Variants in KHDRBS2 observed in about 807,000 individuals in gnomAD.
KHDRBS2 encodes the protein KH domain-containing, RNA-binding, signal transduction-associated protein 2.
A neutral mutation model predicts 44.3 loss-of-function variants in KHDRBS2; 26 were observed. That is an observed-to-expected ratio of 0.59 (90% confidence interval 0.43 to 0.81). KHDRBS2 has a LOEUF of 0.81. KHDRBS2 is among the 40% of genes least tolerant of loss of function. The pLI is 0.00. For missense variants in KHDRBS2, 476 were observed against 433.1 expected (o/e 1.10, Z -0.88); for synonymous variants, 194 against 151.1 (o/e 1.28, Z -2.08).
chr6:61,825,361 T>A (rs1790669390), intron 6 of KHDRBS2, among the ~76,000 whole-genome samples: 2 of 152,178 alleles, frequency 1.3e-5, no homozygotes, highest in South Asian at 2.1e-4. Flanking sequence ...AATGCTGAAT[T>A]TGCTCACATA....
At chr6:62,118,875 T>C (rs1184062649) in intron 2 of KHDRBS2, among the ~76,000 whole-genome samples, 1 of 152,170 alleles carries the variant, frequency 6.6e-6, no homozygotes, top group Non-Finnish European at 1.5e-5. Flanking sequence ...AACTGTCAGT[T>C]TCCCTACTTT....
intron 6 of KHDRBS2, among the ~76,000 whole-genome samples, chr6:61,880,465 A>G (rs1163574643): frequency 6.6e-6 from 1 of 151,920 alleles, no homozygotes; most frequent in African/African-American, 2.4e-5. Flanking sequence ...TATTTTATGT[A>G]AAAGAAAATC....
At chr6:61,686,313 C>T in intron 8 of KHDRBS2, among the ~76,000 whole-genome samples, 1 of 151,718 alleles carries the variant, frequency 6.6e-6, no homozygotes, top group East Asian at 1.9e-4. Flanking sequence ...CTTTGCAAAT[C>T]ATATAATGGC....
chr6:61,900,222 G>C (rs1418380700), intron 5 of KHDRBS2, among the ~76,000 whole-genome samples: 3 of 151,872 alleles, frequency 2.0e-5, no homozygotes, highest in Non-Finnish European at 2.9e-5. Context: ...TGACCGGTGA[G>C]AAACATTTTG....
At chr6:62,139,129 T>A (rs1347374488) in intron 2 of KHDRBS2, among the ~76,000 whole-genome samples, 1 of 152,092 alleles carries the variant, frequency 6.6e-6, no homozygotes, top group African/African-American at 2.4e-5. Flanking sequence ...ATTTTATTAC[T>A]TTTCAAGAAG....
In KHDRBS2 at chr6:61,942,548, A is replaced by C. The variant is rs546866541; in HGVS notation, c.483+35518T>G. Among the ~76,000 whole-genome samples the C allele has an allele frequency of 1.0e-3, 153 of 152,130 alleles. 1 individual carries two copies. Among genetic ancestry groups the C allele is most frequent in the Non-Finnish European group, 4.0e-4 (27 of 68,032 alleles). ...AATGAGGCAAAAATAAAGAATAAAA[A>C]AGAAAAAGCAAAGGCTTCATAACAT... On this transcript the variant is annotated intron_variant, in intron 4 of 8. Coordinates refer to ENST00000281156, the MANE Select transcript of KHDRBS2 (RefSeq NM_152688.4).
At chr6:61,875,400 G>T (rs1248910069) in intron 6 of KHDRBS2, among the ~76,000 whole-genome samples, 1 of 151,962 alleles carries the variant, frequency 6.6e-6, no homozygotes, top group East Asian at 1.9e-4. Flanking sequence ...AAACAAAAAG[G>T]CCCTGTAAGT....
At chr6:62,129,672 A>G (rs957674624) in intron 2 of KHDRBS2, among the ~76,000 whole-genome samples, 6 of 152,154 alleles carry the variant, frequency 3.9e-5, no homozygotes, top group African/African-American at 1.2e-4. Flanking sequence ...CCACTACTCA[A>G]GAGACTATTT....
the KHDRBS2 span, among the ~76,000 whole-genome samples, chr6:61,632,634 T>C: frequency 1.9e-4 from 29 of 152,296 alleles, 1 homozygote; most frequent in South Asian, 4.8e-3. Context: ...TTTGTTTATA[T>C]GTAATTCTGT....
intron 7 of KHDRBS2, among the ~76,000 whole-genome samples, chr6:61,719,912 G>T (rs78966946): frequency 4.6e-5 from 7 of 152,146 alleles, no homozygotes; most frequent in African/African-American, 1.7e-4. Context: ...ACATCTCCCA[G>T]TGCTATGCCT....
chr6:62,236,681 C>T (rs956524295), intron 1 of KHDRBS2, among the ~76,000 whole-genome samples: 5 of 151,696 alleles, frequency 3.3e-5, no homozygotes, highest in Non-Finnish European at 5.9e-5. Context: ...TACATTTTTT[C>T]GAATGCTTAT....
intron 7 of KHDRBS2, among the ~76,000 whole-genome samples, chr6:61,729,118 A>C (rs1040430534): frequency 1.3e-5 from 2 of 152,208 alleles, no homozygotes; most frequent in African/African-American, 4.8e-5. Flanking sequence ...AAAATGTGGT[A>C]GATATACACC....
chr6:61,812,940 A>T (rs1788358367), intron 6 of KHDRBS2, among the ~76,000 whole-genome samples: 2 of 152,088 alleles, frequency 1.3e-5, no homozygotes, highest in Admixed American at 1.3e-4. Context: ...TAAGATCATG[A>T]TAATTTAAGT....
At chr6:61,601,265 C>A in the KHDRBS2 span, among the ~76,000 whole-genome samples, 1 of 152,050 alleles carries the variant, frequency 6.6e-6, no homozygotes, top group African/African-American at 2.4e-5. Context: ...ACCCCCCACC[C>A]CTTCTCTCCA....
chr6:62,256,347 T>C (rs1269334968), intron 1 of KHDRBS2, among the ~76,000 whole-genome samples: 1 of 151,988 alleles, frequency 6.6e-6, no homozygotes, highest in Non-Finnish European at 1.5e-5. Flanking sequence ...GATCTTGAAT[T>C]GTAGCTCTCA....
chr6:61,929,572 CA>C (rs1471804352), intron 4 of KHDRBS2, among the ~76,000 whole-genome samples: 2 of 152,012 alleles, frequency 1.3e-5, no homozygotes, highest in African/African-American at 4.8e-5. Context: ...GAGGAAAATC[CA>C]GAGATATTAA....
At chr6:61,569,899 C>T in the KHDRBS2 span, among the ~76,000 whole-genome samples, 6 of 152,122 alleles carry the variant, frequency 3.9e-5, no homozygotes, top group Non-Finnish European at 5.9e-5. Flanking sequence ...CAAGGAATTA[C>T]CCCATGAGAC....
chr6:62,047,731 G>C, intron 3 of KHDRBS2, 147 bp downstream of exon 3: 3 of 643,514 alleles, frequency 4.7e-6, no homozygotes, highest in Non-Finnish European at 5.7e-6. Context: ...AGAGAGAGGA[G>C]ATAGCAGAAA....
At chr6:61,684,987 T>TACTA (rs1478434751) in intron 8 of KHDRBS2, among the ~76,000 whole-genome samples, 1 of 151,716 alleles carries the variant, frequency 6.6e-6, no homozygotes, top group Non-Finnish European at 1.5e-5. Context: ...CCAGTTACTA[T>TACTA]ACTATGTCCT....
Sources: allele counts gnomAD v4.1 joint callset (sites outside exome capture counted in the v4.1 genomes callset), GRCh38; gene constraint gnomAD v4.1.1; transcripts MANE v1.5; gene names NCBI Gene and HGNC (gene_info 2026-07-23, HGNC 2026-07-21).